FOSL2: variants seen among roughly 807,000 people sequenced by gnomAD.
The protein encoded by FOSL2 is FOS like 2, AP-1 transcription factor subunit, also known as fos-related antigen 2.
FOSL2 carries 3 observed loss-of-function variants against 27.7 expected under a neutral mutation model. That is an observed-to-expected ratio of 0.11 (90% CI 0.05 to 0.28). The LOEUF (loss-of-function observed/expected upper bound fraction) is 0.28, where lower values mean the gene tolerates loss of function less well. Ranked by LOEUF, FOSL2 falls within the 10% of genes least tolerant of loss-of-function variation. FOSL2 has a pLI of 1.00. For synonymous variants in FOSL2, 179 were observed against 190.1 expected, an observed-to-expected ratio of 0.94 and a Z score of 0.48; for missense variants, 333 against 445.1, an observed-to-expected ratio of 0.75 and a Z score of 2.27.
chr2:28,393,467 C>A lies in FOSL2; in HGVS notation c.-254C>A. The A allele has an allele frequency of 2.2e-6, 1 of 455,544 alleles. No individual in the cohort carries two copies. The highest frequency in any genetic ancestry group is 3.9e-6 in the Non-Finnish European group (1 of 256,376). 28.2% of individuals were successfully genotyped at this position (455,544 alleles called of 1,614,324 possible). On this transcript the variant is annotated 5_prime_UTR_variant, in exon 1 of 4. Coordinates refer to ENST00000264716, the MANE Select transcript of FOSL2 (RefSeq NM_005253.4). The surrounding 1 kb of genome is among the most constrained non-coding windows in gnomAD (Gnocchi z 4.6). ...GCGCCGACTTTTTAGAGGGAGGGAT[C>A]GGGTGGACAACTGGTCCCGCGGCGC...
chr2:28,408,367 G>C lies in FOSL2; in HGVS notation c.355-392G>C, dbSNP rs1307207032. 6.6e-6 allele frequency among the ~76,000 whole-genome samples: 1 copy of C among 152,204 alleles called. No individual in the cohort carries two copies. The highest frequency in any genetic ancestry group is 1.9e-4 in the East Asian group (1 of 5,184). On this transcript the variant is annotated intron_variant, in intron 2 of 3. Transcript: ENST00000264716. This position sits in a 1 kb window ranked among gnomAD's most constrained non-coding sequence, Gnocchi z 4.1. ...TGGAAGAAGCTGCTTAAGTGGGTGGGGCCACGCCTGGCTGGCAGGAGGGGA... is the reference window on the plus strand; with the variant it reads ...TGGAAGAAGCTGCTTAAGTGGGTGGCGCCACGCCTGGCTGGCAGGAGGGGA...
At chr2:28,400,707 C>T (rs1663951944) in intron 1 of FOSL2, among the ~76,000 whole-genome samples, 1 of 152,148 alleles carries the variant, frequency 6.6e-6, no homozygotes, top group African/African-American at 2.4e-5. Flanking sequence ...TTATTGCTGT[C>T]TTGTTTTGTC....
Position 28,404,431 on chromosome 2 carries a change from G to C in FOSL2, c.354+73G>C. The C allele has an allele frequency of 6.5e-7, 1 of 1,529,576 alleles. No homozygotes were observed. The highest frequency in any genetic ancestry group is 1.4e-5 in the African/African-American group (1 of 72,404). The allele number at this position is 1,529,576 out of a possible 1,614,324, so 94.8% of individuals were successfully genotyped here. A position where few individuals can be genotyped will look rare whatever the true frequency, so the allele number is the denominator to read the frequency against. On this transcript the variant is annotated intron_variant, in intron 2 of 3. Coordinates refer to ENST00000264716, the MANE Select transcript of FOSL2 (RefSeq NM_005253.4). The surrounding 1 kb of genome is among the most constrained non-coding windows in gnomAD (Gnocchi z 4.7). ...CCCCAGAAACACAGAACGGGTTTCT[G>C]CAGACTGGGAGGGTTAATGTTCTGA...
chr2:28,405,069 A>AG lies in FOSL2; in HGVS notation c.354+718dup, dbSNP rs199869248. ...GGGGAGGGAAGCCAGAAAATGGGGAAGGGGGGGCTCTGCTATTTAGGCAGC... is the reference window on the plus strand; with the variant it reads ...GGGGAGGGAAGCCAGAAAATGGGGAAGGGGGGGGCTCTGCTATTTAGGCAGC... On this transcript the variant is annotated intron_variant, in intron 2 of 3. Coordinates refer to ENST00000264716, the MANE Select transcript of FOSL2 (RefSeq NM_005253.4). Among the ~76,000 whole-genome samples the AG allele has an allele frequency of 8.9e-3, 1,352 of 152,202 alleles. 19 individuals carry two copies. The highest frequency in any genetic ancestry group is 0.031 in the African/African-American group (1,282 of 41,516).
chr2:28,411,763 A>T (rs1664202675), intron 3 of FOSL2, 167 bp from the exon 4 acceptor site: 2 of 667,790 alleles, frequency 3.0e-6, no homozygotes, highest in African/African-American at 3.6e-5. Flanking sequence ...AAATGAAAGG[A>T]ATCTTGAGCC....
At chr2:28,403,759 C>A (rs1227537805) in intron 1 of FOSL2, among the ~76,000 whole-genome samples, 2 of 152,180 alleles carry the variant, frequency 1.3e-5, no homozygotes, top group East Asian at 3.8e-4. Flanking sequence ...AGATGTGTAT[C>A]CTGGAGAGCT....
intron 1 of FOSL2, among the ~76,000 whole-genome samples, chr2:28,402,756 G>A (rs1663998313): frequency 1.3e-5 from 2 of 152,194 alleles, no homozygotes; most frequent in African/African-American, 2.4e-5. Context: ...TGGAAAAGGA[G>A]CTTGTATACC....
chr2:28,411,480 T>C (rs1489817489), intron 3 of FOSL2, among the ~76,000 whole-genome samples: 2 of 152,138 alleles, frequency 1.3e-5, no homozygotes, highest in Admixed American at 1.3e-4. Flanking sequence ...CCATAGAACA[T>C]AGACCCTGGA....
In FOSL2 at chr2:28,393,441, C is replaced by T; in HGVS notation, c.-280C>T. On this transcript the variant is annotated 5_prime_UTR_variant, in exon 1 of 4. It adds an upstream start codon to the 5' untranslated region. Transcript: ENST00000264716. The surrounding 1 kb of genome is among the most constrained non-coding windows in gnomAD (Gnocchi z 4.6). ...CGCGCGCAGGGGAGGGACCGAGAGA[C>T]GCGCCGACTTTTTAGAGGGAGGGAT... 1 of 406,110 alleles carries T rather than the reference C, an allele frequency of 2.5e-6. No individual in the cohort carries two copies. The highest frequency in any genetic ancestry group is 4.7e-5 in the Admixed American group (1 of 21,096). The allele number at this position is 406,110 out of a possible 1,614,324, so 25.2% of individuals were successfully genotyped here.
intron 1 of FOSL2, among the ~76,000 whole-genome samples, chr2:28,398,113 T>A (rs997902315): frequency 4.6e-5 from 7 of 152,190 alleles, no homozygotes; most frequent in African/African-American, 1.7e-4. Flanking sequence ...GTTGTGAGAA[T>A]TAAGGAGACG....
In FOSL2 at chr2:28,415,785, C is replaced by T. The variant is rs1324769703; in HGVS notation, c.*3337C>T. The T allele has an allele frequency of 2.6e-5, 4 of 152,190 alleles. No individual in the cohort carries two copies. Among genetic ancestry groups the T allele is most frequent in the Admixed American group, 2.6e-4 (4 of 15,290 alleles). The allele number at this position is 152,190 out of a possible 1,614,324, so 9.4% of individuals were successfully genotyped here. The stretch of plus-strand genomic sequence containing the variant: ...ATGAGGACATCTCTTTATAAAAGGC[C>T]CCTAAGTAATGGATAAACAGAAACA... On this transcript the variant is annotated 3_prime_UTR_variant, in exon 4 of 4. Transcript: ENST00000264716.
chr2:28,413,650 G>T lies in FOSL2; in HGVS notation c.*1202G>T. 1 of 399,064 alleles carries T rather than the reference G, an allele frequency of 2.5e-6. No homozygotes were observed. The highest frequency in any genetic ancestry group is 4.4e-6 in the Non-Finnish European group (1 of 226,404). 24.7% of individuals were successfully genotyped at this position (399,064 alleles called of 1,614,324 possible). On this transcript the variant is annotated 3_prime_UTR_variant, in exon 4 of 4. Transcript: ENST00000264716. ...CCCAGCACCCGCTCAGCCTGTCCTG[G>T]CTGCTCACCTCCCCGCAGGGCACCG...
chr2:28,402,768 C>T (rs1188688238), intron 1 of FOSL2, among the ~76,000 whole-genome samples: 3 of 152,186 alleles, frequency 2.0e-5, no homozygotes, highest in African/African-American at 7.2e-5. Context: ...TTGTATACCA[C>T]TGTGTTCAGG....
chr2:28,408,614 C>CT lies in FOSL2; in HGVS notation c.355-144dup, dbSNP rs1664131152. ...CAGGGATCCACATGTTCTGGGGCCT[C>CT]TGAGTCCAGCCATGCTCCTCTTGCC... On this transcript the variant is annotated intron_variant, in intron 2 of 3. Transcript: ENST00000264716. This position sits in a 1 kb window ranked among gnomAD's most constrained non-coding sequence, Gnocchi z 4.1. The CT allele has an allele frequency of 1.8e-6, 1 of 569,234 alleles. No individual in the cohort carries two copies. The highest frequency in any genetic ancestry group is 3.4e-5 in the East Asian group (1 of 29,298). 35.3% of individuals were successfully genotyped at this position (569,234 alleles called of 1,614,324 possible).
In FOSL2 at chr2:28,413,028, T is replaced by C. The variant is rs1237185240; in HGVS notation, c.*580T>C. 1.2e-5 allele frequency: 2 copies of C among 160,478 alleles called. No individual in the cohort carries two copies. The highest frequency in any genetic ancestry group is 4.8e-5 in the African/African-American group (2 of 41,754). 9.9% of individuals were successfully genotyped at this position (160,478 alleles called of 1,614,324 possible). ...CTGACTTGTCCAGAAGGGGACAAAGTGCAATACAGAGCCTTCCCTACCCTG... is the reference window on the plus strand; with the variant it reads ...CTGACTTGTCCAGAAGGGGACAAAGCGCAATACAGAGCCTTCCCTACCCTG... On this transcript the variant is annotated 3_prime_UTR_variant, in exon 4 of 4. Transcript: ENST00000264716.
rs1664037228 is a variant in FOSL2, at chr2:28,404,424, G to A, written c.354+66G>A. The A allele has an allele frequency of 2.0e-6, 3 of 1,535,232 alleles. No homozygotes were observed. The highest frequency in any genetic ancestry group is 2.0e-5 in the Admixed American group (1 of 51,152). On this transcript the variant is annotated intron_variant, in intron 2 of 3. Transcript: ENST00000264716. This position sits in a 1 kb window ranked among gnomAD's most constrained non-coding sequence, Gnocchi z 4.7. ...TTCAGAGCCCCAGAAACACAGAACG[G>A]GTTTCTGCAGACTGGGAGGGTTAAT...
In FOSL2 at chr2:28,415,259, C is replaced by T. The variant is rs1331448374; in HGVS notation, c.*2811C>T. 6.6e-6 allele frequency: 1 copy of T among 152,292 alleles called. No homozygotes were observed. The highest frequency in any genetic ancestry group is 2.4e-5 in the African/African-American group (1 of 41,460). The allele number at this position is 152,292 out of a possible 1,614,324, so 9.4% of individuals were successfully genotyped here. ...TAAAACACACCGTCTTCTTGGCCTC[C>T]TGGCCAGTCTTTCTGCGAATAGTCC... is the stretch of plus-strand genomic sequence containing the variant. On this transcript the variant is annotated 3_prime_UTR_variant, in exon 4 of 4. Transcript: ENST00000264716.
chr2:28,398,427 G>A (rs1663903659), intron 1 of FOSL2, among the ~76,000 whole-genome samples: 1 of 152,250 alleles, frequency 6.6e-6, no homozygotes, highest in Non-Finnish European at 1.5e-5. Flanking sequence ...GAGGATGAGA[G>A]GACGTGTCAT....
rs1057178427 is a variant in FOSL2, at chr2:28,416,426, G to A, written c.*3978G>A. ...TATCAAGCCTGAATAGAAACTGATA[G>A]CATTAAAATACTCCGTTCCTCTCTC... is the stretch of plus-strand genomic sequence containing the variant. On this transcript the variant is annotated 3_prime_UTR_variant, in exon 4 of 4. Coordinates refer to ENST00000264716, the MANE Select transcript of FOSL2 (RefSeq NM_005253.4). The A allele has an allele frequency of 4.7e-5, 7 of 148,700 alleles. No homozygotes were observed. Among genetic ancestry groups the A allele is most frequent in the Non-Finnish European group, 1.0e-4 (7 of 67,610 alleles). The allele number at this position is 148,700 out of a possible 1,614,324, so 9.2% of individuals were successfully genotyped here. A position where few individuals can be genotyped will look rare whatever the true frequency, so the allele number is the denominator to read the frequency against.
Sources: allele counts gnomAD v4.1 joint callset (sites outside exome capture counted in the v4.1 genomes callset), GRCh38; gene constraint gnomAD v4.1.1; non-coding constraint Gnocchi (gnomAD v3.1); transcripts MANE v1.5; gene names NCBI Gene and HGNC (gene_info 2026-07-23, HGNC 2026-07-21).